GPHN: variants seen among roughly 807,000 people sequenced by gnomAD.
The protein encoded by GPHN is gephyrin.
Under a neutral mutation model 95.5 loss-of-function variants are expected in GPHN, and 17 were observed. The ratio of observed to expected loss-of-function variants is 0.18; its 90% CI spans 0.12 to 0.27. The LOEUF (loss-of-function observed/expected upper bound fraction) is 0.27, where lower values mean the gene tolerates loss of function less well. Ranked by LOEUF, GPHN falls within the 10% of genes least tolerant of loss-of-function variation. GPHN has a pLI of 1.00. For missense variants in GPHN, 660 were observed against 978.1 expected, an observed-to-expected ratio of 0.67 and a Z score of 4.34; for synonymous variants, 320 against 322.5, an observed-to-expected ratio of 0.99 and a Z score of 0.08.
chr14:66,731,005 G>C (rs1442887110), intron 2 of GPHN, among the ~76,000 whole-genome samples: 1 of 152,156 alleles, frequency 6.6e-6, no homozygotes, highest in Non-Finnish European at 1.5e-5. Context: ...CACGAGATCT[G>C]ATGGTTTGAT....
At chr14:67,150,016 CTCTA>C (rs1281627316) in intron 18 of GPHN, among the ~76,000 whole-genome samples, 1 of 152,056 alleles carries the variant, frequency 6.6e-6, no homozygotes, top group Non-Finnish European at 1.5e-5. Flanking sequence ...TGCTCTAATA[CTCTA>C]TCTTAGAAAT....
chr14:67,323,615 A>ATATATAT, the GPHN span: 7 of 260,326 alleles, frequency 2.7e-5, no homozygotes, highest in African/African-American at 1.7e-4. Context: ...CCCTTAATCT[A>ATATATAT]ATATATATAT....
intron 12 of GPHN, among the ~76,000 whole-genome samples, chr14:67,098,476 C>T (rs1595125117): frequency 2.0e-5 from 3 of 151,990 alleles, no homozygotes; most frequent in East Asian, 3.9e-4. Context: ...TTTTTTTACT[C>T]TAAAACAATG....
intron 4 of GPHN, among the ~76,000 whole-genome samples, chr14:66,838,866 A>G (rs142971002): frequency 1.6e-4 from 25 of 152,290 alleles, no homozygotes; most frequent in Non-Finnish European, 3.2e-4. Context: ...AACTTCTCAG[A>G]ATAATATCAC....
intron 16 of GPHN, 145 bp from the exon 17 acceptor site, chr14:67,122,111 G>A: frequency 1.4e-6 from 1 of 721,888 alleles, no homozygotes; most frequent in Non-Finnish European, 2.4e-6. Context: ...TTTATTTAAA[G>A]ATCCTTTGGG....
chr14:67,202,647 GA>G, the GPHN span, among the ~76,000 whole-genome samples: 4 of 152,086 alleles, frequency 2.6e-5, no homozygotes, highest in African/African-American at 9.7e-5. Context: ...AAAGACTAAA[GA>G]ATATTGCATA....
At chr14:67,111,274 C>G (rs905354803) in intron 14 of GPHN, among the ~76,000 whole-genome samples, 1 of 152,172 alleles carries the variant, frequency 6.6e-6, no homozygotes, top group Admixed American at 6.5e-5. Flanking sequence ...GCACTGAATT[C>G]CAGAACACAT....
the GPHN span, among the ~76,000 whole-genome samples, chr14:67,512,485 A>G: frequency 4.7e-4 from 71 of 152,220 alleles, no homozygotes; most frequent in African/African-American, 1.5e-3. Flanking sequence ...TGTTCCTGCA[A>G]TTCAAAAATA....
the GPHN span, chr14:67,722,602 G>T: frequency 1.9e-6 from 3 of 1,570,788 alleles, no homozygotes; most frequent in Non-Finnish European, 2.6e-6. Flanking sequence ...GTTGAAGCTG[G>T]AGCAGCAGCA....
chr14:67,487,192 C>T, the GPHN span: 1 of 152,210 alleles, frequency 6.6e-6, no homozygotes, highest in African/African-American at 2.4e-5. Flanking sequence ...AAAGAGGAGG[C>T]TTTTATTAGC....
the GPHN span, among the ~76,000 whole-genome samples, chr14:67,485,812 C>T: frequency 3.9e-5 from 6 of 152,248 alleles, no homozygotes; most frequent in African/African-American, 1.4e-4. Flanking sequence ...CACCCTACCT[C>T]GAGCTTGTCT....
the GPHN span, chr14:67,337,293 C>G: frequency 1.3e-5 from 2 of 152,536 alleles, no homozygotes; most frequent in East Asian, 3.9e-4. Flanking sequence ...AGGCAGATTA[C>G]TTGAGGTCAG....
chr14:66,531,989 A>G (rs1272648171), intron 1 of GPHN, among the ~76,000 whole-genome samples: 2 of 152,242 alleles, frequency 1.3e-5, no homozygotes, highest in Non-Finnish European at 1.5e-5. Context: ...TGAGCATTAT[A>G]GTGTCCCACC....
At chr14:66,605,478 T>G (rs912231683) in intron 1 of GPHN, among the ~76,000 whole-genome samples, 5 of 152,106 alleles carry the variant, frequency 3.3e-5, no homozygotes, top group African/African-American at 1.2e-4. Context: ...CATTTATTTC[T>G]TGGCCACTTA....
Position 67,150,464 on chromosome 14 carries a change from A to ACAAAACAAAAC in GPHN, c.1836+7015_1836+7016insCAAAACAAAAC, listed in dbSNP as rs772495010. Among the ~76,000 whole-genome samples, 303 of 136,180 alleles carry ACAAAACAAAAC rather than the reference A, an allele frequency of 2.2e-3. 3 individuals carry two copies. The highest frequency in any genetic ancestry group is 7.6e-3 in the African/African-American group (288 of 38,100). The allele number at this position is 136,180 out of a possible 152,430, so 89.3% of individuals were successfully genotyped here. A position where few individuals can be genotyped will look rare whatever the true frequency, so the allele number is the denominator to read the frequency against. On this transcript the variant is annotated intron_variant, in intron 18 of 22. Transcript: ENST00000478722. ...TCAAAAAAAAAAAACAAAAAAAAAA[A>ACAAAACAAAAC]AAAAAAAAACATTGTAAGGTTTTCA...
intron 9 of GPHN, among the ~76,000 whole-genome samples, chr14:66,998,723 A>G (rs1229354112): frequency 6.6e-6 from 1 of 152,030 alleles, no homozygotes; most frequent in Non-Finnish European, 1.5e-5. Flanking sequence ...TACCAATTGC[A>G]TATCACTATC....
the GPHN span, among the ~76,000 whole-genome samples, chr14:67,422,345 C>T: frequency 2.0e-5 from 3 of 152,180 alleles, no homozygotes; most frequent in African/African-American, 7.2e-5. Flanking sequence ...CTTCTGCCCC[C>T]TGACCACCCT....
the GPHN span, among the ~76,000 whole-genome samples, chr14:67,451,200 G>A: frequency 6.6e-6 from 1 of 152,246 alleles, no homozygotes; most frequent in Admixed American, 6.5e-5. Context: ...TGGATGCACA[G>A]AAAGAAGTTT....
chr14:66,902,963 A>G (rs889081076), intron 5 of GPHN, among the ~76,000 whole-genome samples: 4 of 152,144 alleles, frequency 2.6e-5, no homozygotes, highest in Non-Finnish European at 5.9e-5. Flanking sequence ...CAGAGATACT[A>G]TAAATACCTC....
Sources: gnomAD v4.1 joint callset for allele counts (sites outside exome capture counted in the v4.1 genomes callset) on GRCh38, gnomAD v4.1.1 for gene constraint, MANE v1.5 for transcripts, NCBI Gene and HGNC (gene_info 2026-07-23, HGNC 2026-07-21) for gene names.